The following CD96 variants were observed in gnomAD, a reference collection of about 807,000 sequenced individuals.
The protein encoded by CD96 is CD96 molecule.
Under a neutral mutation model 71.3 loss-of-function variants are expected in CD96, and 70 were observed. The observed-to-expected ratio is 0.98, with a 90% CI of 0.81 to 1.20. The LOEUF is 1.20. Among genes scored for constraint, CD96 ranks in the 50% most tolerant of loss-of-function variants. CD96 has a pLI of 0.00. For synonymous variants in CD96, 248 were observed against 233.0 expected (o/e 1.06, Z -0.59); for missense variants, 742 against 677.5 (o/e 1.10, Z -1.06).
downstream of CD96, among the ~76,000 whole-genome samples, chr3:111,656,257 A>T (rs1032695594): frequency 1.3e-5 from 2 of 152,330 alleles, no homozygotes; most frequent in Admixed American, 1.3e-4. Context: ...TTTGAAAAAC[A>T]TGAAATGTAT....
At chr3:111,591,409 A>G (rs1346937599) in intron 5 of CD96, among the ~76,000 whole-genome samples, 1 of 149,770 alleles carries the variant, frequency 6.7e-6, no homozygotes, top group Admixed American at 6.7e-5. Flanking sequence ...ACCAGAACCT[A>G]AATACCACAC....
intron 4 of CD96, among the ~76,000 whole-genome samples, chr3:111,582,467 T>C (rs557308641): frequency 3.9e-5 from 6 of 152,258 alleles, no homozygotes; most frequent in Non-Finnish European, 5.9e-5. Context: ...ATCACTGAAA[T>C]ATTCCCTGAT....
chr3:111,602,414 T>A (rs908221712), intron 7 of CD96, among the ~76,000 whole-genome samples: 1 of 152,160 alleles, frequency 6.6e-6, no homozygotes, highest in East Asian at 1.9e-4. Flanking sequence ...GAGCTTGATC[T>A]AGTATAATTT....
At chr3:111,582,907 G>A (rs1455747503) in intron 4 of CD96, among the ~76,000 whole-genome samples, 1 of 152,212 alleles carries the variant, frequency 6.6e-6, no homozygotes, top group Non-Finnish European at 1.5e-5. Context: ...CCCATGGCCT[G>A]TCCCAAATCT....
intron 2 of CD96, among the ~76,000 whole-genome samples, chr3:111,561,495 CG>C (rs1040749138): frequency 6.9e-6 from 1 of 145,434 alleles, no homozygotes; most frequent in South Asian, 2.4e-4. Context: ...GCCCCTGCTG[CG>C]GGGTGCCTCC....
intron 10 of CD96, among the ~76,000 whole-genome samples, chr3:111,635,778 T>C (rs191139547): frequency 7.9e-5 from 12 of 152,340 alleles, no homozygotes; most frequent in Non-Finnish European, 1.6e-4. Flanking sequence ...CGTAAATTAA[T>C]TTATCCCATT....
In CD96 at chr3:111,650,201, C is replaced by A; in HGVS notation, c.*395C>A. 4.8e-6 allele frequency: 1 copy of A among 207,164 alleles called. No individual in the cohort carries two copies. Among genetic ancestry groups the A allele is most frequent in the East Asian group, 1.0e-4 (1 of 9,640 alleles). 12.8% of individuals were successfully genotyped at this position (207,164 alleles called of 1,614,324 possible). On this transcript the variant is annotated 3_prime_UTR_variant, in exon 14 of 14. Transcript: ENST00000352690. ...ATCTATCAACATTGTAAACTCTTTG[C>A]CAAAATCCTGGGGCTTTGCTGCATT...
At chr3:111,663,203 TGTGAGATCTC>T (rs1416575696) in intron 14 of CD96, among the ~76,000 whole-genome samples, 7 of 152,150 alleles carry the variant, frequency 4.6e-5, no homozygotes, top group African/African-American at 1.7e-4. Flanking sequence ...TAAACAAATC[TGTGAGATCTC>T]GTGAGAACTC....
At position 111,567,588 on chromosome 3, in the gene CD96, C is replaced by A. The variant is rs371659001; in HGVS notation, c.484C>A (p.Pro162Thr). The A allele has an allele frequency of 6.2e-7, 1 of 1,608,714 alleles. No individual in the cohort carries two copies. Among genetic ancestry groups the A allele is most frequent in the African/African-American group, 1.3e-5 (1 of 74,906 alleles). ...EIEINQTLEI[P>T]CFQNSSSKIS... The stretch of plus-strand genomic sequence containing the variant: ...AGAGATAAATCAGACTCTGGAAATA[C>A]CATGCTTTCAAAATAGCTCCTCAAA... The change falls in exon 3 of 14, where the codon CCA becomes ACA. Residue 162 changes from proline to threonine, a missense_variant. Pro to Thr is a conservative substitution (Grantham distance 38). Coordinates refer to ENST00000352690, the MANE Select transcript of CD96 (RefSeq NM_005816.5).
intron 3 of CD96, chr3:111,570,877 T>G: frequency 6.2e-7 from 1 of 1,607,240 alleles, no homozygotes; most frequent in Non-Finnish European, 8.5e-7. Context: ...TCTTCCAAGG[T>G]GGGCAGCTCA....
rs371381265 is a variant in CD96, at chr3:111,570,850, G to A, written c.543+3203G>A. ...GACCCCAGGCTTGTGGCTCCAGGGT[G>A]CAAGGGTCCTGACCGCTCTTCCAAG... On this transcript the variant is annotated intron_variant, in intron 3 of 13. Coordinates refer to ENST00000352690, the MANE Select transcript of CD96 (RefSeq NM_005816.5). The A allele has an allele frequency of 8.6e-4, 1,384 of 1,610,998 alleles. 6 individuals carry two copies. The highest frequency in any genetic ancestry group is 6.8e-3 in the African/African-American group (509 of 74,952).
intron 3 of CD96, chr3:111,577,485 T>G: frequency 6.3e-7 from 1 of 1,579,862 alleles, no homozygotes; most frequent in Non-Finnish European, 8.7e-7. Flanking sequence ...CCTTCTTCTT[T>G]TGCTCTTCTT....
intron 8 of CD96, among the ~76,000 whole-genome samples, chr3:111,623,367 G>A (rs1296948952): frequency 6.6e-6 from 1 of 152,022 alleles, no homozygotes; most frequent in Non-Finnish European, 1.5e-5. Flanking sequence ...GTGAAGATAC[G>A]GTTTTCACAG....
chr3:111,589,578 A>T (rs959624247), intron 5 of CD96, among the ~76,000 whole-genome samples: 25 of 152,168 alleles, frequency 1.6e-4, no homozygotes, highest in African/African-American at 5.8e-4. Context: ...ATATTCTTAC[A>T]ATCCCTGCTG....
chr3:111,636,161 T>C (rs888512886), intron 10 of CD96, among the ~76,000 whole-genome samples: 5 of 152,142 alleles, frequency 3.3e-5, no homozygotes, highest in Admixed American at 2.6e-4. Context: ...ACTTCTCAGG[T>C]GACCCCAAAT....
intron 12 of CD96, among the ~76,000 whole-genome samples, chr3:111,644,068 A>G (rs543898558): frequency 6.6e-5 from 10 of 152,280 alleles, no homozygotes; most frequent in African/African-American, 2.4e-4. Context: ...GAGGCATCAC[A>G]TACCTGATTT....
intron 3 of CD96, 55 bp from the exon 4 acceptor site, chr3:111,578,972 G>A: frequency 1.1e-6 from 1 of 877,478 alleles, no homozygotes. Flanking sequence ...CGAATGCCTA[G>A]TTCAGAGCTG....
At chr3:111,664,739 G>T (rs994532708) in intron 14 of CD96, among the ~76,000 whole-genome samples, 2 of 152,092 alleles carry the variant, frequency 1.3e-5, no homozygotes, top group Non-Finnish European at 2.9e-5. Context: ...ATAAAGAAAG[G>T]CTCTGAAAAT....
intron 8 of CD96, among the ~76,000 whole-genome samples, chr3:111,610,883 C>G (rs1012306778): frequency 3.9e-5 from 6 of 152,162 alleles, no homozygotes; most frequent in African/African-American, 1.4e-4. Flanking sequence ...GATGCCAACC[C>G]GGTGTGGCAA....
Sources: allele counts gnomAD v4.1 joint callset (sites outside exome capture counted in the v4.1 genomes callset), GRCh38; gene constraint gnomAD v4.1.1; transcripts MANE v1.5; gene names NCBI Gene and HGNC (gene_info 2026-07-23, HGNC 2026-07-21).